HS3ST4: variants seen among roughly 807,000 people sequenced by gnomAD.
HS3ST4 encodes heparan sulfate glucosamine 3-O-sulfotransferase 4.
In HS3ST4, 17 loss-of-function variants were observed where a neutral mutation model predicts 29.2. The ratio of observed to expected loss-of-function variants is 0.58; its 90% CI spans 0.40 to 0.87. The LOEUF (loss-of-function observed/expected upper bound fraction) is 0.87. Among genes scored for constraint, HS3ST4 ranks in the 40% least tolerant of loss-of-function variants. The pLI is 0.00. For synonymous variants in HS3ST4, 314 were observed against 285.7 expected, an observed-to-expected ratio of 1.10 and a Z score of -1.00; for missense variants, 627 against 634.5, an observed-to-expected ratio of 0.99 and a Z score of 0.13.
At position 26,014,120 on chromosome 16, in the gene HS3ST4, C is replaced by T. The variant is rs539710977; in HGVS notation, c.735-121492C>T. On this transcript the variant is annotated intron_variant, in intron 1 of 1. Coordinates refer to ENST00000331351, the MANE Select transcript of HS3ST4 (RefSeq NM_006040.3). ...CTCTTCCGCTATTTTGCTTTATTTTCCTTTGTGGCAATTCTCATCTGAAAT... is the reference window on the plus strand; with the variant it reads ...CTCTTCCGCTATTTTGCTTTATTTTTCTTTGTGGCAATTCTCATCTGAAAT... Among the ~76,000 whole-genome samples, 4 of 152,198 alleles carry T rather than the reference C, an allele frequency of 2.6e-5. No homozygotes were observed. The East Asian group carries it at 7.7e-4, about 29-fold the overall frequency.
At chr16:26,089,738 C>T (rs963234331) in intron 1 of HS3ST4, among the ~76,000 whole-genome samples, 1 of 152,212 alleles carries the variant, frequency 6.6e-6, no homozygotes, top group Non-Finnish European at 1.5e-5. Flanking sequence ...TTTCATTTTA[C>T]ATCCAAAAAT....
At position 25,981,858 on chromosome 16, in the gene HS3ST4, C is replaced by A. The variant is rs147198293; in HGVS notation, c.735-153754C>A. ...AGAATGGGAATAACAAGAATACCTACATTTCAGATCACAAATGGAACACAC... is the reference window on the plus strand; with the variant it reads ...AGAATGGGAATAACAAGAATACCTAAATTTCAGATCACAAATGGAACACAC... On this transcript the variant is annotated intron_variant, in intron 1 of 1. Coordinates refer to ENST00000331351, the MANE Select transcript of HS3ST4 (RefSeq NM_006040.3). Among the ~76,000 whole-genome samples, 344 of 152,318 alleles carry A rather than the reference C, an allele frequency of 2.3e-3. 1 individual carries two copies. The highest frequency in any genetic ancestry group is 8.1e-3 in the African/African-American group (337 of 41,582).
chr16:25,770,788 T>A (rs560706963), intron 1 of HS3ST4, among the ~76,000 whole-genome samples: 3 of 152,334 alleles, frequency 2.0e-5, no homozygotes, highest in African/African-American at 7.2e-5. Context: ...TTGCAACTGA[T>A]GAAAAGCAAT....
At chr16:26,070,424 A>G (rs1898588547) in intron 1 of HS3ST4, among the ~76,000 whole-genome samples, 2 of 152,198 alleles carry the variant, frequency 1.3e-5, no homozygotes, top group South Asian at 4.1e-4. Context: ...GAACAAGCCT[A>G]GCTGAAATCC....
At chr16:25,724,424 T>C (rs1966518137) in intron 1 of HS3ST4, among the ~76,000 whole-genome samples, 1 of 150,494 alleles carries the variant, frequency 6.6e-6, no homozygotes. Flanking sequence ...AGTGTGATGG[T>C]ACCATCTTGG....
chr16:25,881,503 T>G (rs180724528), intron 1 of HS3ST4, among the ~76,000 whole-genome samples: 6 of 152,312 alleles, frequency 3.9e-5, no homozygotes, highest in African/African-American at 1.4e-4. Flanking sequence ...AAAGGGCACC[T>G]GGATGCTTGG....
chr16:26,007,881 T>C (rs1969272313), intron 1 of HS3ST4, among the ~76,000 whole-genome samples: 1 of 151,352 alleles, frequency 6.6e-6, no homozygotes, highest in South Asian at 2.1e-4. Context: ...GGACATAAAC[T>C]TCTGGGGCCC....
At chr16:25,715,809 T>G (rs1026875896) in intron 1 of HS3ST4, among the ~76,000 whole-genome samples, 2 of 152,290 alleles carry the variant, frequency 1.3e-5, no homozygotes, top group African/African-American at 4.8e-5. Context: ...CTGTCCATGA[T>G]TTGCCCTATA....
chr16:25,916,962 A>G (rs759841762), intron 1 of HS3ST4, among the ~76,000 whole-genome samples: 4 of 151,988 alleles, frequency 2.6e-5, no homozygotes, highest in Admixed American at 2.0e-4. Flanking sequence ...TACAGGCATG[A>G]TCCACCACGC....
chr16:26,028,108 A>C (rs1326688131), intron 1 of HS3ST4, among the ~76,000 whole-genome samples: 2 of 151,974 alleles, frequency 1.3e-5, no homozygotes, highest in African/African-American at 2.4e-5. Context: ...CCCTGTCTCT[A>C]CTGAAAATAC....
chr16:26,047,640 G>A (rs572497368), intron 1 of HS3ST4, among the ~76,000 whole-genome samples: 42 of 152,290 alleles, frequency 2.8e-4, no homozygotes, highest in African/African-American at 9.1e-4. Flanking sequence ...AATGCAAGCC[G>A]TGATCTCGTC....
At chr16:26,032,682 C>A (rs1170236333) in intron 1 of HS3ST4, 13 of 1,320,414 alleles carry the variant, frequency 9.8e-6, no homozygotes, top group East Asian at 4.6e-5. Context: ...TTTGCAGGGG[C>A]CTTTTTAGTC....
rs188603491 is a variant in HS3ST4, at chr16:26,118,142, C to T, written c.735-17470C>T. ...GTGCAGTGGTGTGATCATGGGTCAC[C>T]GCAGCCTCCAACTTCTGGCCTCAAG... On this transcript the variant is annotated intron_variant, in intron 1 of 1. Transcript: ENST00000331351. Among the ~76,000 whole-genome samples, 918 of 152,218 alleles carry T rather than the reference C, an allele frequency of 6.0e-3. 6 individuals carry two copies. Among genetic ancestry groups the T allele is most frequent in the South Asian group, 0.017 (80 of 4,822 alleles).
intron 1 of HS3ST4, among the ~76,000 whole-genome samples, chr16:25,910,112 C>G (rs1968221996): frequency 6.6e-6 from 1 of 152,212 alleles, no homozygotes; most frequent in Admixed American, 6.5e-5. Context: ...GATTCCGACA[C>G]TTGATTGTCT....
At chr16:26,046,212 G>C (rs933504340) in intron 1 of HS3ST4, among the ~76,000 whole-genome samples, 3 of 147,214 alleles carry the variant, frequency 2.0e-5, no homozygotes, top group South Asian at 2.1e-4. Context: ...GTGCAATGGC[G>C]TGATCTCGGC....
At chr16:25,986,372 A>G (rs1019464174) in intron 1 of HS3ST4, among the ~76,000 whole-genome samples, 3 of 152,054 alleles carry the variant, frequency 2.0e-5, no homozygotes, top group Non-Finnish European at 4.4e-5. Flanking sequence ...TGTTACCCCC[A>G]CTTTATAGGT....
intron 1 of HS3ST4, among the ~76,000 whole-genome samples, chr16:25,896,302 C>G (rs893690089): frequency 1.4e-4 from 22 of 152,126 alleles, no homozygotes; most frequent in Non-Finnish European, 3.2e-4. Flanking sequence ...TTTGCTTAAC[C>G]TTTAGGCTTC....
intron 1 of HS3ST4, among the ~76,000 whole-genome samples, chr16:26,130,751 C>A (rs755599360): frequency 6.6e-6 from 1 of 152,296 alleles, no homozygotes; most frequent in Non-Finnish European, 1.5e-5. Flanking sequence ...AGAGGACAGT[C>A]GTGTCTTCTT....
At chr16:26,019,805 C>T (rs1969394607) in intron 1 of HS3ST4, among the ~76,000 whole-genome samples, 1 of 152,156 alleles carries the variant, frequency 6.6e-6, no homozygotes, top group South Asian at 2.1e-4. Context: ...TGAACTCTAT[C>T]CCTGTCCAAG....
Sources: gnomAD v4.1 joint callset for allele counts (sites outside exome capture counted in the v4.1 genomes callset) on GRCh38, gnomAD v4.1.1 for gene constraint, MANE v1.5 for transcripts, NCBI Gene and HGNC (gene_info 2026-07-23, HGNC 2026-07-21) for gene names.